KAZN: variants seen among roughly 807,000 people sequenced by gnomAD.
The protein encoded by KAZN is kazrin, periplakin interacting protein.
In KAZN, 40 loss-of-function variants were observed where a neutral mutation model predicts 87.4. That is an observed-to-expected ratio of 0.46 (90% CI 0.36 to 0.60). The LOEUF (loss-of-function observed/expected upper bound fraction) is 0.60. Among genes scored for constraint, KAZN ranks in the 20% least tolerant of loss-of-function variants. KAZN has a pLI of 0.00. For synonymous variants in KAZN, 466 were observed against 458.3 expected (o/e 1.02, Z -0.22); for missense variants, 898 against 1,073.9 (o/e 0.84, Z 2.29).
chr1:14,441,359 G>C lies in KAZN; in HGVS notation c.250-157624G>C, dbSNP rs906710044. 2.0e-5 allele frequency among the ~76,000 whole-genome samples: 3 copies of C among 151,726 alleles called. No homozygotes were observed. The South Asian group carries it at 6.2e-4, about 32-fold the overall frequency. ...ACTGGACTTCCCAGTATGTTGTTCC[G>C]GGCAGCAGCGGCAGCGGCAGCAGCA... is the stretch of plus-strand genomic sequence containing the variant. On this transcript the variant is annotated intron_variant, in intron 2 of 16. Coordinates refer to the KAZN transcript ENST00000636203.
chr1:14,459,554 A>T (rs1356769690), intron 2 of KAZN, among the ~76,000 whole-genome samples: 1 of 152,136 alleles, frequency 6.6e-6, no homozygotes, highest in Non-Finnish European at 1.5e-5. Flanking sequence ...CTGCGTCATG[A>T]AGGATTCTGA....
intron 1 of KAZN, among the ~76,000 whole-genome samples, chr1:14,655,932 G>GGGCA (rs898513059): frequency 5.9e-5 from 9 of 152,124 alleles, no homozygotes; most frequent in African/African-American, 2.2e-4. Flanking sequence ...GTGGTGTGCT[G>GGGCA]GGCAGGGGAG....
At chr1:14,622,618 G>T (rs754484171) in intron 1 of KAZN, among the ~76,000 whole-genome samples, 3 of 151,456 alleles carry the variant, frequency 2.0e-5, no homozygotes, top group African/African-American at 7.3e-5. Flanking sequence ...ATGAACCTGG[G>T]GGGCGGAGCT....
chr1:14,173,672 C>CCCA (rs1646005921), intron 1 of KAZN, among the ~76,000 whole-genome samples: 1 of 148,066 alleles, frequency 6.8e-6, no homozygotes, highest in Non-Finnish European at 1.5e-5. Flanking sequence ...CGCCCCGCCC[C>CCCA]GCCCAACTTG....
chr1:14,509,845 C>A (rs1279120076), intron 2 of KAZN, among the ~76,000 whole-genome samples: 1 of 152,102 alleles, frequency 6.6e-6, no homozygotes, highest in Non-Finnish European at 1.5e-5. Context: ...ATAGAGAGAT[C>A]AGGAAAGGCC....
intron 1 of KAZN, among the ~76,000 whole-genome samples, chr1:14,774,511 C>T (rs1488426224): frequency 6.7e-6 from 1 of 149,704 alleles, no homozygotes; most frequent in African/African-American, 2.5e-5. Flanking sequence ...CGCTGTGTCA[C>T]CCAGGCTGGA....
intron 2 of KAZN, among the ~76,000 whole-genome samples, chr1:14,406,814 C>T (rs150723275): frequency 1.7e-3 from 258 of 152,272 alleles, no homozygotes; most frequent in Non-Finnish European, 3.2e-3. Flanking sequence ...CAAGTTGACA[C>T]ATAAAATTAA....
chr1:15,067,027 A>T (rs1573240598), intron 8 of KAZN: 3 of 985,424 alleles, frequency 3.0e-6, no homozygotes, highest in Admixed American at 6.2e-5. Context: ...CCTGCCACAC[A>T]TCCAAGGGTA....
chr1:14,563,186 C>T (rs1674352992), intron 2 of KAZN, among the ~76,000 whole-genome samples: 1 of 152,200 alleles, frequency 6.6e-6, no homozygotes, highest in Non-Finnish European at 1.5e-5. Flanking sequence ...TTCTCCCAAT[C>T]CAATGAGAAT....
intron 1 of KAZN, among the ~76,000 whole-genome samples, chr1:14,903,341 G>A (rs560839673): frequency 6.6e-6 from 1 of 152,204 alleles, no homozygotes; most frequent in Non-Finnish European, 1.5e-5. Context: ...GTGTCCCTGG[G>A]GCCGGTCAAG....
At chr1:14,671,150 A>G (rs1350698039) in intron 1 of KAZN, among the ~76,000 whole-genome samples, 2 of 152,164 alleles carry the variant, frequency 1.3e-5, no homozygotes, top group South Asian at 4.1e-4. Flanking sequence ...GGGTACTTAA[A>G]TGAGGGCTGT....
intron 13 of KAZN, among the ~76,000 whole-genome samples, chr1:15,109,302 C>A (rs1260546384): frequency 6.6e-6 from 1 of 152,048 alleles, no homozygotes; most frequent in Non-Finnish European, 1.5e-5. Flanking sequence ...GGAGGATCAC[C>A]TGAGCCCAGT....
chr1:14,111,821 C>T (rs1644505557), intron 1 of KAZN, among the ~76,000 whole-genome samples: 1 of 150,756 alleles, frequency 6.6e-6, no homozygotes, highest in Non-Finnish European at 1.5e-5. Context: ...CTAACTGCAA[C>T]CTCGGCTTCC....
chr1:13,893,626 AC>A lies in KAZN; in HGVS notation c.-39del, dbSNP rs761303445. On this transcript the variant is annotated 5_prime_UTR_variant, in exon 1 of 17. Coordinates refer to the KAZN transcript ENST00000636203. Reference sequence around the variant, plus strand: ...TTGCTCTGACACTCCAAGGGTCTGGACGCTGCCACATGACCAACACCAAAGA... The same window carrying A: ...TTGCTCTGACACTCCAAGGGTCTGGAGCTGCCACATGACCAACACCAAAGA... 13 of 1,549,330 alleles carry A rather than the reference AC, an allele frequency of 8.4e-6. No homozygotes were observed. The South Asian group carries it at 1.5e-4, about 18-fold the overall frequency.
At chr1:14,771,229 TG>T (rs1287899725) in intron 1 of KAZN, among the ~76,000 whole-genome samples, 1 of 152,150 alleles carries the variant, frequency 6.6e-6, no homozygotes, top group Non-Finnish European at 1.5e-5. Flanking sequence ...CCCGAACTCC[TG>T]TAAAAGCATG....
intron 8 of KAZN, among the ~76,000 whole-genome samples, chr1:15,090,551 GCCCTGGCGGGGCTGCAGAGGCAGCT>G (rs1640486492): frequency 6.6e-6 from 1 of 152,240 alleles, no homozygotes; most frequent in African/African-American, 2.4e-5. Flanking sequence ...GGAAGGTGGG[GCCCTGGCGGGGCTGCAGAGGCAGCT>G]GCTGCCGTTT....
intron 2 of KAZN, among the ~76,000 whole-genome samples, chr1:14,416,341 TAG>T (rs1237253266): frequency 6.6e-6 from 1 of 152,192 alleles, no homozygotes; most frequent in African/African-American, 2.4e-5. Flanking sequence ...GGAATGTCAC[TAG>T]AGAGTGACTT....
At chr1:14,676,313 G>T (rs1191748933) in intron 1 of KAZN, among the ~76,000 whole-genome samples, 2 of 152,168 alleles carry the variant, frequency 1.3e-5, no homozygotes, top group Non-Finnish European at 2.9e-5. Context: ...CAAAATGTCA[G>T]GTCCTTCTTG....
intron 2 of KAZN, among the ~76,000 whole-genome samples, chr1:14,442,551 TG>T (rs1666762282): frequency 6.6e-6 from 1 of 152,174 alleles, no homozygotes; most frequent in Admixed American, 6.5e-5. Context: ...AGTAGCTCTG[TG>T]GGGACTCAGC....
Sources: gnomAD v4.1 joint callset for allele counts (sites outside exome capture counted in the v4.1 genomes callset) on GRCh38, gnomAD v4.1.1 for gene constraint, MANE v1.5 for transcripts, NCBI Gene and HGNC (gene_info 2026-07-23, HGNC 2026-07-21) for gene names.